Variants in RPTOR observed in about 807,000 individuals in gnomAD.
RPTOR encodes regulatory associated protein of MTOR complex 1.
RPTOR carries 21 observed loss-of-function variants against 169.9 expected under a neutral mutation model. The observed-to-expected ratio is 0.12, with a 90% CI of 0.09 to 0.18. RPTOR has a LOEUF of 0.18. Among genes scored for constraint, RPTOR ranks in the 10% least tolerant of loss-of-function variants. RPTOR has a pLI of 1.00. For missense variants in RPTOR, 1,133 were observed against 1,855.9 expected, an observed-to-expected ratio of 0.61 and a Z score of 7.16; for synonymous variants, 732 against 753.2, an observed-to-expected ratio of 0.97 and a Z score of 0.46.
intron 21 of RPTOR, among the ~76,000 whole-genome samples, chr17:80,920,335 AC>A (rs2143969268): frequency 6.6e-6 from 1 of 152,074 alleles, no homozygotes; most frequent in Admixed American, 6.5e-5. Context: ...CTCCAGGCCA[AC>A]CCCCTGTGGT....
In RPTOR at chr17:80,744,880, C is replaced by G. The variant is rs1395971839; in HGVS notation, c.655-9130C>G. On this transcript the variant is annotated intron_variant, in intron 5 of 33. Coordinates refer to ENST00000306801, the MANE Select transcript of RPTOR (RefSeq NM_020761.3). ...ACTAGCACTGTCCTGGTTACGAGCA[C>G]AGCCCTGGCTACTAGCACTGTCCTG... Among the ~76,000 whole-genome samples, 4 of 119,050 alleles carry G rather than the reference C, an allele frequency of 3.4e-5. 1 individual carries two copies. The highest frequency in any genetic ancestry group is 1.2e-4 in the African/African-American group (4 of 34,212). 78.1% of individuals were successfully genotyped at this position (119,050 alleles called of 152,430 possible).
intron 3 of RPTOR, among the ~76,000 whole-genome samples, chr17:80,657,427 T>C (rs904870924): frequency 6.6e-6 from 1 of 152,244 alleles, no homozygotes; most frequent in Non-Finnish European, 1.5e-5. Flanking sequence ...CTTGGTCTGT[T>C]AGGTCTTGGC....
At chr17:80,780,908 G>C (rs1014368363) in intron 6 of RPTOR, among the ~76,000 whole-genome samples, 1 of 152,228 alleles carries the variant, frequency 6.6e-6, no homozygotes, top group East Asian at 1.9e-4. Flanking sequence ...TGCGCTCTCA[G>C]TTGTCAGGGG....
chr17:80,674,825 AC>A (rs2065850691), intron 3 of RPTOR, among the ~76,000 whole-genome samples: 10 of 131,010 alleles, frequency 7.6e-5, no homozygotes, highest in African/African-American at 3.0e-4. Context: ...AAAAAAAAAA[AC>A]AACTTCTCAA....
intron 18 of RPTOR, 31 bp downstream of exon 18, chr17:80,891,868 G>A (rs2068328796): frequency 3.3e-6 from 5 of 1,499,044 alleles, no homozygotes; most frequent in Non-Finnish European, 4.6e-6. Context: ...AACCCGCAGA[G>A]CACCTCGCCT....
chr17:80,810,608 G>A (rs2067263470), intron 7 of RPTOR, among the ~76,000 whole-genome samples: 1 of 151,940 alleles, frequency 6.6e-6, no homozygotes. Context: ...AAATGGTTTT[G>A]GCTACTCTAG....
At chr17:80,549,077 C>T (rs1431238313) in intron 1 of RPTOR, among the ~76,000 whole-genome samples, 8 of 152,214 alleles carry the variant, frequency 5.3e-5, no homozygotes, top group African/African-American at 1.7e-4. Flanking sequence ...TCCAGAGCTA[C>T]AGCCCTTGCC....
chr17:80,780,365 C>T (rs1391915129), intron 6 of RPTOR, among the ~76,000 whole-genome samples: 2 of 152,166 alleles, frequency 1.3e-5, no homozygotes, highest in South Asian at 2.1e-4. Flanking sequence ...GGGATGTACA[C>T]GAAGTCTGTT....
intron 7 of RPTOR, among the ~76,000 whole-genome samples, chr17:80,815,915 T>C (rs2067318382): frequency 6.6e-6 from 1 of 150,598 alleles, no homozygotes; most frequent in African/African-American, 2.5e-5. Flanking sequence ...ACGTGCCCCG[T>C]CAATCAGGGC....
chr17:80,667,490 A>G (rs11150737), intron 3 of RPTOR, among the ~76,000 whole-genome samples: 41,674 of 152,128 alleles, frequency 0.27, 5,838 homozygotes, highest in East Asian at 0.36. Context: ...TTTTCTACTC[A>G]TCCCACTTTC....
intron 6 of RPTOR, among the ~76,000 whole-genome samples, chr17:80,760,300 C>CTT (rs1479994551): frequency 0.18 from 17,648 of 96,436 alleles, 2,760 homozygotes; most frequent in Non-Finnish European, 0.22. Context: ...TTTCTTTTTT[C>CTT]TTTTTTCTTT....
At chr17:80,612,547 C>T (rs2065278869) in intron 1 of RPTOR, among the ~76,000 whole-genome samples, 1 of 152,230 alleles carries the variant, frequency 6.6e-6, no homozygotes, top group South Asian at 2.1e-4. Flanking sequence ...TGAAGCCATT[C>T]TGATTTTCAG....
intron 2 of RPTOR, among the ~76,000 whole-genome samples, chr17:80,631,415 A>G (rs776022022): frequency 2.0e-5 from 3 of 152,084 alleles, no homozygotes; most frequent in Non-Finnish European, 4.4e-5. Context: ...CCACACGGAT[A>G]TGCAAGCGCA....
Position 80,721,342 on chromosome 17 carries a change from C to CG in RPTOR, c.508-9215dup, listed in dbSNP as rs2066284722. On this transcript the variant is annotated intron_variant, in intron 4 of 33. Transcript: ENST00000306801. The surrounding 1 kb of genome is among the most constrained non-coding windows in gnomAD (Gnocchi z 4.7). ...CTCCTGGACGCGGCGGAAGTGCAAGCGGGAAAAAGGATGGCAAGTTGAGTA... is the reference window on the plus strand; with the variant it reads ...CTCCTGGACGCGGCGGAAGTGCAAGCGGGGAAAAAGGATGGCAAGTTGAGTA... Among the ~76,000 whole-genome samples, 1 of 151,328 alleles carries CG rather than the reference C, an allele frequency of 6.6e-6. No homozygotes were observed. Among genetic ancestry groups the CG allele is most frequent in the African/African-American group, 2.5e-5 (1 of 40,670 alleles).
chr17:80,548,790 G>T (rs1346409241), intron 1 of RPTOR, among the ~76,000 whole-genome samples: 1 of 152,226 alleles, frequency 6.6e-6, no homozygotes, highest in East Asian at 1.9e-4. Context: ...CAGCATGTTT[G>T]TAAAGTGAAA....
intron 13 of RPTOR, among the ~76,000 whole-genome samples, chr17:80,872,725 G>A (rs1234621742): frequency 1.3e-5 from 2 of 152,354 alleles, no homozygotes; most frequent in East Asian, 3.9e-4. Flanking sequence ...CCTGCACCCA[G>A]GCAGACTAGA....
intron 1 of RPTOR, among the ~76,000 whole-genome samples, chr17:80,572,887 CTCTT>C (rs551661815): frequency 1.1e-3 from 168 of 152,266 alleles, no homozygotes; most frequent in African/African-American, 3.6e-3. Flanking sequence ...TTTAGGAACT[CTCTT>C]TCTCCCTTGA....
At chr17:80,862,039 G>T (rs1019551536) in intron 13 of RPTOR, among the ~76,000 whole-genome samples, 2 of 152,162 alleles carry the variant, frequency 1.3e-5, no homozygotes, top group Admixed American at 6.5e-5. Flanking sequence ...GGAGGCTGCA[G>T]CGTGCCTTCG....
At chr17:80,943,727 G>A (rs1598415345) in intron 25 of RPTOR, among the ~76,000 whole-genome samples, 1 of 151,008 alleles carries the variant, frequency 6.6e-6, no homozygotes, top group Admixed American at 6.6e-5. Context: ...GTTCAGGTGA[G>A]GACACGGTTA....
Sources: allele counts gnomAD v4.1 joint callset (sites outside exome capture counted in the v4.1 genomes callset), GRCh38; gene constraint gnomAD v4.1.1; non-coding constraint Gnocchi (gnomAD v3.1); transcripts MANE v1.5; gene names NCBI Gene and HGNC (gene_info 2026-07-23, HGNC 2026-07-21).